Variants in LNX2 observed in about 807,000 individuals in gnomAD.
LNX2 encodes the protein ligand of numb-protein X 2.
Under a neutral mutation model 66.2 loss-of-function variants are expected in LNX2, and 35 were observed. The ratio of observed to expected loss-of-function variants is 0.53; its 90% confidence interval spans 0.40 to 0.70. The LOEUF is 0.70. Ranked by LOEUF, LNX2 falls within the 30% of genes least tolerant of loss-of-function variation. The pLI is 0.00. For synonymous variants in LNX2, 337 were observed against 315.6 expected (o/e 1.07, Z -0.72); for missense variants, 791 against 850.8 (o/e 0.93, Z 0.87).
At chr13:27,556,200 T>C (rs990816140) in intron 7 of LNX2, 36 bp downstream of exon 7, 11 of 1,586,074 alleles carry the variant, frequency 6.9e-6, no homozygotes, top group Non-Finnish European at 8.6e-6. Context: ...AATTCAGAAA[T>C]AAGATGTGGT....
rs927472286 is a variant in LNX2, at chr13:27,547,093, A to C, written c.*1242T>G. ...ACAAGAAATACTCCTACCTGAACAAAATAAAAAGGTCTCCCTTTCTCCTAC... is the reference window on the plus strand; with the variant it reads ...ACAAGAAATACTCCTACCTGAACAACATAAAAAGGTCTCCCTTTCTCCTAC... On this transcript the variant is annotated 3_prime_UTR_variant, in exon 10 of 10. Transcript: ENST00000316334. The C allele has an allele frequency of 6.6e-6, 1 of 152,210 alleles. No homozygotes were observed. Among genetic ancestry groups the C allele is most frequent in the African/African-American group, 2.4e-5 (1 of 41,464 alleles). 9.4% of individuals were successfully genotyped at this position (152,210 alleles called of 1,614,324 possible).
intron 8 of LNX2, among the ~76,000 whole-genome samples, chr13:27,552,808 T>C (rs1043699124): frequency 6.6e-6 from 1 of 152,294 alleles, no homozygotes; most frequent in East Asian, 1.9e-4. Flanking sequence ...AGAGTTAAAA[T>C]AAATTTAAAA....
chr13:27,589,069 A>G (rs1297173674), intron 1 of LNX2, among the ~76,000 whole-genome samples: 3 of 152,244 alleles, frequency 2.0e-5, no homozygotes, highest in Non-Finnish European at 2.9e-5. Context: ...ACTGATATAC[A>G]GCATCGAAGA....
chr13:27,610,552 G>C (rs7329145), intron 1 of LNX2, among the ~76,000 whole-genome samples: 31,960 of 152,004 alleles, frequency 0.21, 3,499 homozygotes, highest in African/African-American at 0.24. Flanking sequence ...AAAACTCCTA[G>C]AAGAAAACAT....
intron 1 of LNX2, among the ~76,000 whole-genome samples, chr13:27,612,096 A>G (rs1322127525): frequency 1.3e-5 from 2 of 152,266 alleles, no homozygotes; most frequent in Non-Finnish European, 2.9e-5. Context: ...GAAAAGTCCT[A>G]GAGAAATCAC....
intron 1 of LNX2, among the ~76,000 whole-genome samples, chr13:27,584,304 G>T (rs1955459156): frequency 6.7e-6 from 1 of 149,120 alleles, no homozygotes; most frequent in African/African-American, 2.5e-5. Flanking sequence ...AGTGAGGGAG[G>T]AGTTTGGGAG....
intron 2 of LNX2, among the ~76,000 whole-genome samples, chr13:27,576,562 CA>C (rs35339735): frequency 7.2e-4 from 102 of 141,140 alleles, no homozygotes; most frequent in Admixed American, 1.0e-3. Context: ...ACTAAAAGCA[CA>C]AAAAAAAAAA....
intron 1 of LNX2, among the ~76,000 whole-genome samples, chr13:27,599,586 A>G (rs1390740963): frequency 6.6e-6 from 1 of 152,234 alleles, no homozygotes. Context: ...GTAAAGGTCA[A>G]TTAGTAATCC....
intron 6 of LNX2, 131 bp downstream of exon 6, chr13:27,559,711 T>A (rs1048258203): frequency 1.2e-6 from 1 of 854,252 alleles, no homozygotes; most frequent in Non-Finnish European, 1.7e-6. Context: ...ACAACCCTCA[T>A]TTGAATCTTT....
chr13:27,559,781 T>C, intron 6 of LNX2, 61 bp downstream of exon 6: 2 of 1,424,000 alleles, frequency 1.4e-6, no homozygotes, highest in Non-Finnish European at 1.9e-6. Context: ...TTCATTTAAA[T>C]CTTACCAGCT....
chr13:27,562,568 G>T lies in LNX2; in HGVS notation c.1069C>A (p.Arg357=), dbSNP rs754978843. 1 of 1,614,068 alleles carries T rather than the reference G, an allele frequency of 6.2e-7. No homozygotes were observed. Among genetic ancestry groups the T allele is most frequent in the South Asian group, 1.1e-5 (1 of 91,076 alleles). ...SGEQLGIKLV[R]RTDEPGVFIL... Reference sequence around the variant, plus strand: ...AAAACCCCTGGCTCATCTGTCCTTCGCACCAATTTAATGCCAAGCTGTTCA... The same window carrying T: ...AAAACCCCTGGCTCATCTGTCCTTCTCACCAATTTAATGCCAAGCTGTTCA... The change falls in exon 5 of 10, where the codon CGA becomes AGA. Residue 357 remains arginine, a synonymous_variant. Coordinates refer to ENST00000316334, the MANE Select transcript of LNX2 (RefSeq NM_153371.4).
At chr13:27,589,852 G>A (rs1418550920) in intron 1 of LNX2, among the ~76,000 whole-genome samples, 3 of 152,224 alleles carry the variant, frequency 2.0e-5, no homozygotes, top group Admixed American at 1.3e-4. Flanking sequence ...TAAGACCGCT[G>A]TGGAAAGAAC....
chr13:27,619,139 TAA>T (rs1955861538), intron 1 of LNX2, among the ~76,000 whole-genome samples: 1 of 152,216 alleles, frequency 6.6e-6, no homozygotes, highest in African/African-American at 2.4e-5. Context: ...TGGGCCGAAT[TAA>T]AAGTGATGTT....
At chr13:27,581,938 TA>T (rs1426967091) in intron 1 of LNX2, 135 bp from the exon 2 acceptor site, 2 of 368,332 alleles carry the variant, frequency 5.4e-6, no homozygotes, top group African/African-American at 2.1e-5. Context: ...AAATTAGTCA[TA>T]AAAAAAGAAA....
rs143186854 is a variant in LNX2, at chr13:27,553,896, T to G, written c.1547-457A>C. ...TACATAAGGACAGCCCTGTATAGTT[T>G]ATTCAGGGCAAACATCAGAATATGT... On this transcript the variant is annotated intron_variant, in intron 7 of 9. Transcript: ENST00000316334. 5.2e-4 allele frequency among the ~76,000 whole-genome samples: 79 copies of G among 152,358 alleles called. 1 individual carries two copies. The East Asian group carries it at 0.015, about 28-fold the overall frequency.
chr13:27,618,973 G>A (rs1955858238), intron 1 of LNX2, among the ~76,000 whole-genome samples: 1 of 152,210 alleles, frequency 6.6e-6, no homozygotes, highest in Admixed American at 6.5e-5. Context: ...TAAAGGCATG[G>A]ATCAGTTTCC....
intron 1 of LNX2, among the ~76,000 whole-genome samples, chr13:27,587,786 C>T (rs1430001959): frequency 1.3e-5 from 2 of 151,942 alleles, no homozygotes; most frequent in Admixed American, 6.6e-5. Context: ...CTTTGGGAGG[C>T]CAAGGCGGGC....
chr13:27,562,565 T>G lies in LNX2; in HGVS notation c.1072A>C (p.Arg358=). The change falls in exon 5 of 10, where the codon AGG becomes CGG. Residue 358 remains arginine, a synonymous_variant. Transcript: ENST00000316334. The part of the protein sequence containing the change: ...GEQLGIKLVR[R]TDEPGVFILD... ...ATAAAAACCCCTGGCTCATCTGTCCTTCGCACCAATTTAATGCCAAGCTGT... is the reference window on the plus strand; with the variant it reads ...ATAAAAACCCCTGGCTCATCTGTCCGTCGCACCAATTTAATGCCAAGCTGT... 1.2e-6 allele frequency: 2 copies of G among 1,614,162 alleles called. No individual in the cohort carries two copies. Among genetic ancestry groups the G allele is most frequent in the Non-Finnish European group, 1.7e-6 (2 of 1,180,024 alleles).
At chr13:27,574,905 T>C (rs1955326298) in intron 2 of LNX2, among the ~76,000 whole-genome samples, 1 of 152,164 alleles carries the variant, frequency 6.6e-6, no homozygotes, top group Non-Finnish European at 1.5e-5. Context: ...TGGGATGACA[T>C]ACTCAAAGTT....
Sources: allele counts gnomAD v4.1 joint callset (sites outside exome capture counted in the v4.1 genomes callset), GRCh38; gene constraint gnomAD v4.1.1; transcripts MANE v1.5; gene names NCBI Gene and HGNC (gene_info 2026-07-23, HGNC 2026-07-21).